The following MTMR12 variants were observed in gnomAD, a reference collection of about 807,000 sequenced individuals.
MTMR12 encodes myotubularin-related protein 12.
In MTMR12, 33 loss-of-function variants were observed where a neutral mutation model predicts 96.7. That is an observed-to-expected ratio of 0.34 (90% CI 0.26 to 0.46). MTMR12 has a LOEUF of 0.46. Among genes scored for constraint, MTMR12 ranks in the 20% least tolerant of loss-of-function variants. MTMR12 has a pLI of 1.00. For synonymous variants in MTMR12, 298 were observed against 327.2 expected (o/e 0.91, Z 0.96); for missense variants, 721 against 896.1 (o/e 0.80, Z 2.49).
At position 32,242,098 on chromosome 5, in the gene MTMR12, G is replaced by A. The variant is rs1748497846; in HGVS notation, c.1130C>T (p.Thr377Ile). The change falls in exon 12 of 16, where the codon ACA (threonine) becomes ATA (isoleucine). Residue 377 changes from threonine (T) to isoleucine (I), a missense_variant. Transcript: ENST00000382142. Reference sequence around the variant, plus strand: ...CATGTTTTGTGCTTCCATACATTCTGTAATCTCTATTGCTTTTTTCAGGCA... The same window carrying A: ...CATGTTTTGTGCTTCCATACATTCTATAATCTCTATTGCTTTTTTCAGGCA... The part of the protein sequence containing the change: ...RRCLKKAIEI[T>I]ECMEAQNMNV... 1.9e-6 allele frequency: 3 copies of A among 1,611,644 alleles called. No homozygotes were observed. The highest frequency in any genetic ancestry group is 2.5e-6 in the Non-Finnish European group (3 of 1,178,526).
chr5:32,243,451 T>TGGTA, intron 11 of MTMR12, 70 bp downstream of exon 11: 2 of 1,052,498 alleles, frequency 1.9e-6, no homozygotes, highest in Non-Finnish European at 2.9e-6. Context: ...TTAAATTATT[T>TGGTA]GTCGGTTTGA....
intron 15 of MTMR12, among the ~76,000 whole-genome samples, chr5:32,232,073 G>A (rs1366585441): frequency 1.3e-5 from 2 of 152,174 alleles, no homozygotes; most frequent in Non-Finnish European, 2.9e-5. Flanking sequence ...CTAAGCAAAG[G>A]GAGCACTCAA....
intron 7 of MTMR12, among the ~76,000 whole-genome samples, chr5:32,262,789 GA>G (rs1176809756): frequency 6.6e-6 from 1 of 152,092 alleles, no homozygotes; most frequent in African/African-American, 2.4e-5. Flanking sequence ...AAAATAAACA[GA>G]CTTTGAAAAC....
chr5:32,265,901 A>G, intron 6 of MTMR12, among the ~76,000 whole-genome samples: 1 of 152,196 alleles, frequency 6.6e-6, no homozygotes, highest in Non-Finnish European at 1.5e-5. Flanking sequence ...TGTCATCCCC[A>G]GGATCACACA....
intron 7 of MTMR12, among the ~76,000 whole-genome samples, chr5:32,256,644 A>T (rs1296830354): frequency 6.6e-6 from 1 of 152,242 alleles, no homozygotes; most frequent in Non-Finnish European, 1.5e-5. Flanking sequence ...AAGAATCTGT[A>T]AGCATCTTTC....
intron 1 of MTMR12, among the ~76,000 whole-genome samples, chr5:32,279,668 A>C (rs1750207992): frequency 6.6e-6 from 1 of 152,192 alleles, no homozygotes; most frequent in Non-Finnish European, 1.5e-5. Context: ...CATTCCCCAA[A>C]CTTTTGGAGC....
rs1581615093 is a variant in MTMR12, at chr5:32,265,416, G to A, written c.584-2174C>T. On this transcript the variant is annotated intron_variant, in intron 6 of 15. Coordinates refer to ENST00000382142, the MANE Select transcript of MTMR12 (RefSeq NM_001040446.3). ...GCTAATCCACATATGTTGGCAGGCCGAGAAAGTGTCCTATGCTGGGTACAG... is the reference window on the plus strand; with the variant it reads ...GCTAATCCACATATGTTGGCAGGCCAAGAAAGTGTCCTATGCTGGGTACAG... Among the ~76,000 whole-genome samples the A allele has an allele frequency of 2.0e-5, 3 of 152,212 alleles. No individual in the cohort carries two copies. In the South Asian group the frequency reaches 6.2e-4, roughly 32 times the overall value.
chr5:32,272,569 T>C (rs1289296984), intron 3 of MTMR12, among the ~76,000 whole-genome samples: 2 of 151,956 alleles, frequency 1.3e-5, no homozygotes, highest in African/African-American at 4.8e-5. Context: ...TTTAGAGACA[T>C]GATTTCCACA....
chr5:32,239,316 A>G (rs1370300456), intron 12 of MTMR12, 143 bp from the exon 13 acceptor site: 6 of 835,732 alleles, frequency 7.2e-6, no homozygotes, highest in Non-Finnish European at 1.0e-5. Flanking sequence ...TATTCCCTAA[A>G]GGCAAGGGCC....
chr5:32,257,869 C>A (rs1749201828), intron 7 of MTMR12, among the ~76,000 whole-genome samples: 1 of 152,106 alleles, frequency 6.6e-6, no homozygotes, highest in South Asian at 2.1e-4. Context: ...GAGTTCAAGA[C>A]CAGCCTGGGC....
At position 32,262,268 on chromosome 5, in the gene MTMR12, A is replaced by C. The variant is rs139735859; in HGVS notation, c.713+845T>G. Among the ~76,000 whole-genome samples, 1,344 of 152,152 alleles carry C rather than the reference A, an allele frequency of 8.8e-3. 7 individuals carry two copies. Among genetic ancestry groups the C allele is most frequent in the Non-Finnish European group, 0.012 (838 of 67,990 alleles). ...TAATATACCCAAGAAAAATAAAAACATACATCTACACAAAAATTTATAATT... is the reference window on the plus strand; with the variant it reads ...TAATATACCCAAGAAAAATAAAAACCTACATCTACACAAAAATTTATAATT... On this transcript the variant is annotated intron_variant, in intron 7 of 15. Transcript: ENST00000382142.
At chr5:32,263,382 C>G (rs1025342632) in intron 6 of MTMR12, 140 bp from the exon 7 acceptor site, 3 of 999,376 alleles carry the variant, frequency 3.0e-6, no homozygotes, top group East Asian at 5.2e-5. Flanking sequence ...ATTGCTTAAT[C>G]CTAACCTTGT....
chr5:32,286,643 CTCATT>C (rs1392638313), intron 1 of MTMR12, among the ~76,000 whole-genome samples: 1 of 152,180 alleles, frequency 6.6e-6, no homozygotes, highest in Non-Finnish European at 1.5e-5. Flanking sequence ...TACACATCAT[CTCATT>C]TATTATTCAG....
intron 1 of MTMR12, among the ~76,000 whole-genome samples, chr5:32,303,953 T>C (rs1399547234): frequency 6.7e-6 from 1 of 150,362 alleles, no homozygotes; most frequent in African/African-American, 2.5e-5. Context: ...ACCTATATAA[T>C]CTACCAATAT....
chr5:32,272,011 G>C (rs1054305317), intron 3 of MTMR12, 106 bp from the exon 4 acceptor site: 1 of 633,598 alleles, frequency 1.6e-6, no homozygotes, highest in Non-Finnish European at 2.5e-6. Flanking sequence ...AAAATGGGGG[G>C]CCGGGTGCAG....
chr5:32,238,902 T>C, intron 13 of MTMR12, 99 bp downstream of exon 13: 1 of 1,296,152 alleles, frequency 7.7e-7, no homozygotes, highest in Non-Finnish European at 1.0e-6. Flanking sequence ...TGGCTTACAC[T>C]TTGCAAGCAG....
intron 1 of MTMR12, among the ~76,000 whole-genome samples, chr5:32,288,785 G>A (rs1430672266): frequency 6.6e-6 from 1 of 152,210 alleles, no homozygotes; most frequent in Non-Finnish European, 1.5e-5. Context: ...CCCACTATGA[G>A]TGAGCTGGAA....
At chr5:32,260,794 T>C (rs1005045366) in intron 7 of MTMR12, among the ~76,000 whole-genome samples, 1 of 151,528 alleles carries the variant, frequency 6.6e-6, no homozygotes, top group Admixed American at 6.6e-5. Flanking sequence ...TCAAAACTGA[T>C]TACTGAAGAG....
At chr5:32,248,650 T>C (rs994492980) in intron 9 of MTMR12, 122 bp downstream of exon 9, 5 of 712,370 alleles carry the variant, frequency 7.0e-6, no homozygotes, top group Admixed American at 2.2e-5. Context: ...CACTGTTAAG[T>C]TGTATTCCCC....
Sources: gnomAD v4.1 joint callset for allele counts (sites outside exome capture counted in the v4.1 genomes callset) on GRCh38, gnomAD v4.1.1 for gene constraint, MANE v1.5 for transcripts, NCBI Gene and HGNC (gene_info 2026-07-23, HGNC 2026-07-21) for gene names.